The following NKAIN3 variants were observed in gnomAD, a reference collection of about 807,000 sequenced individuals.
The protein encoded by NKAIN3 is sodium/potassium transporting ATPase interacting 3.
In NKAIN3, 25 loss-of-function variants were observed where a neutral mutation model predicts 30.2. The observed-to-expected ratio is 0.83, with a 90% CI of 0.60 to 1.16. NKAIN3 has a LOEUF of 1.16. NKAIN3 is among the 50% of genes most tolerant of loss of function. NKAIN3 has a pLI of 0.00. For missense variants in NKAIN3, 225 were observed against 254.1 expected (o/e 0.89, Z 0.78); for synonymous variants, 91 against 89.6 (o/e 1.02, Z -0.09).
At chr8:62,758,531 G>A (rs73254885) in intron 4 of NKAIN3, among the ~76,000 whole-genome samples, 13,357 of 152,114 alleles carry the variant, frequency 0.088, 606 homozygotes, top group Middle Eastern at 0.092. Flanking sequence ...AAGTATAACT[G>A]CATTTCCAAT....
At position 62,248,961 on chromosome 8, in the gene NKAIN3, G is replaced by T. The variant is rs935615478; in HGVS notation, c.-113G>T. 8.3e-6 allele frequency: 8 copies of T among 965,772 alleles called. No homozygotes were observed. The South Asian group carries it at 1.2e-4, about 14-fold the overall frequency. 59.8% of individuals were successfully genotyped at this position (965,772 alleles called of 1,614,324 possible). ...CCCTGGAGCCGCGAGCGGCGGCCGC[G>T]GGGCCGAGGAGCCTGGGCCGGGCCG... On this transcript the variant is annotated 5_prime_UTR_variant, in exon 1 of 7. Coordinates refer to ENST00000623646, the MANE Select transcript of NKAIN3 (RefSeq NM_001304533.3).
At position 62,487,338 on chromosome 8, in the gene NKAIN3, G is replaced by A. The variant is rs186517036; in HGVS notation, c.55-92201G>A. ...ATCAGCAGAAGCTCAGAATTATGAG[G>A]TTCACTCACTGGATAAAGGACTGCA... On this transcript the variant is annotated intron_variant, in intron 1 of 6. Transcript: ENST00000623646. Among the ~76,000 whole-genome samples the A allele has an allele frequency of 1.4e-3, 207 of 152,256 alleles. 1 individual carries two copies. Among genetic ancestry groups the A allele is most frequent in the African/African-American group, 4.3e-3 (180 of 41,548 alleles).
chr8:62,579,143 A>T (rs938635374), intron 1 of NKAIN3, among the ~76,000 whole-genome samples: 4 of 152,018 alleles, frequency 2.6e-5, no homozygotes, highest in Non-Finnish European at 5.9e-5. Context: ...CTATATTAAG[A>T]CATCACATGT....
At chr8:62,999,135 G>T (rs927177339) in intron 5 of NKAIN3, 1 of 152,260 alleles carries the variant, frequency 6.6e-6, no homozygotes, top group East Asian at 1.9e-4. Context: ...CAGATGTATG[G>T]TGTGTTAGTC....
intron 3 of NKAIN3, among the ~76,000 whole-genome samples, chr8:62,661,110 T>C (rs1223945654): frequency 1.3e-5 from 2 of 152,180 alleles, no homozygotes; most frequent in Non-Finnish European, 2.9e-5. Flanking sequence ...AAACATACAT[T>C]ATTCAGTTTT....
chr8:62,517,930 A>C (rs942970442), intron 1 of NKAIN3, among the ~76,000 whole-genome samples: 10 of 145,476 alleles, frequency 6.9e-5, no homozygotes, highest in Admixed American at 5.3e-4. Flanking sequence ...CTGTATCTAT[A>C]TATATATATC....
At chr8:62,863,873 G>A in intron 4 of NKAIN3, 1 of 1,496,712 alleles carries the variant, frequency 6.7e-7, no homozygotes, top group South Asian at 1.1e-5. Flanking sequence ...GCAGTAGTCC[G>A]CAGGGTCCTC....
In NKAIN3 at chr8:62,337,650, C is replaced by T. The variant is rs116456439; in HGVS notation, c.54+88523C>T. ...TGTGTGTACACATATACAAACAACA[C>T]TCACACATGCACAGCACGTGCACAC... On this transcript the variant is annotated intron_variant, in intron 1 of 6. Coordinates refer to ENST00000623646, the MANE Select transcript of NKAIN3 (RefSeq NM_001304533.3). Among the ~76,000 whole-genome samples, 469 of 152,042 alleles carry T rather than the reference C, an allele frequency of 3.1e-3. 2 individuals carry two copies. Among genetic ancestry groups the T allele is most frequent in the African/African-American group, 9.9e-3 (409 of 41,502 alleles).
chr8:62,518,516 A>T (rs1045514262), intron 1 of NKAIN3, among the ~76,000 whole-genome samples: 1 of 152,152 alleles, frequency 6.6e-6, no homozygotes, highest in South Asian at 2.1e-4. Context: ...ATCAAATAGG[A>T]TAATGCATGT....
intron 1 of NKAIN3, 118 bp from the exon 2 acceptor site, chr8:62,579,421 G>A (rs1810222216): frequency 1.8e-5 from 12 of 675,374 alleles, no homozygotes; most frequent in South Asian, 6.0e-5. Flanking sequence ...TAATAATAAC[G>A]GTGACAAAAA....
intron 3 of NKAIN3, among the ~76,000 whole-genome samples, chr8:62,661,811 T>C (rs1207242687): frequency 6.6e-6 from 1 of 152,228 alleles, no homozygotes; most frequent in African/African-American, 2.4e-5. Context: ...GTCTTGCCTG[T>C]GTGCCTGTTA....
chr8:62,345,450 CATATGTATATATACACAT>C (rs1563942590), intron 1 of NKAIN3, among the ~76,000 whole-genome samples: 1 of 78,058 alleles, frequency 1.3e-5, no homozygotes, highest in African/African-American at 6.3e-5. Context: ...TATATACACA[CATATGTATATATACACAT>C]ATATACACAT....
rs1435979771 is a variant in NKAIN3 at position 62,972,211 on chromosome 8, T to G, written c.*6804T>G. ...GATAAATAAGAAGTATATGATCTTT[T>G]CTCTTATTTTCTCTCAGTATAAGTT... On this transcript the variant is annotated 3_prime_UTR_variant, in exon 7 of 7. Coordinates refer to ENST00000623646, the MANE Select transcript of NKAIN3 (RefSeq NM_001304533.3). Among the ~76,000 whole-genome samples the G allele has an allele frequency of 1.3e-5, 2 of 152,192 alleles. No individual in the cohort carries two copies. Among genetic ancestry groups the G allele is most frequent in the African/African-American group, 2.4e-5 (1 of 41,442 alleles).
intron 1 of NKAIN3, among the ~76,000 whole-genome samples, chr8:62,467,056 C>A (rs1340358109): frequency 6.6e-6 from 1 of 152,134 alleles, no homozygotes; most frequent in Admixed American, 6.6e-5. Flanking sequence ...TCTCACCTCA[C>A]TTCTTTTCCT....
Position 62,667,304 on chromosome 8 carries a change from T to A in NKAIN3, c.273+77510T>A, listed in dbSNP as rs546140145. Among the ~76,000 whole-genome samples the A allele has an allele frequency of 4.1e-4, 57 of 140,292 alleles. No homozygotes were observed. In the South Asian group the frequency reaches 4.1e-3, roughly 10 times the overall value. The allele number at this position is 140,292 out of a possible 152,430, so 92.0% of individuals were successfully genotyped here. A position where few individuals can be genotyped will look rare whatever the true frequency, so the allele number is the denominator to read the frequency against. On this transcript the variant is annotated intron_variant, in intron 3 of 6. Coordinates refer to ENST00000623646, the MANE Select transcript of NKAIN3 (RefSeq NM_001304533.3). ...CTAGATCTTAAAGTATAATAAAAAA[T>A]ATATATATATTTATATATATATATT... is the stretch of plus-strand genomic sequence containing the variant.
rs1424711306 is a variant in NKAIN3 at position 62,965,669 on chromosome 8, A to G, written c.*262A>G. 4.1e-6 allele frequency: 4 copies of G among 980,804 alleles called. No individual in the cohort carries two copies. The highest frequency in any genetic ancestry group is 4.8e-6 in the Non-Finnish European group (4 of 825,918). 60.8% of individuals were successfully genotyped at this position (980,804 alleles called of 1,614,324 possible). A position where few individuals can be genotyped will look rare whatever the true frequency, so the allele number is the denominator to read the frequency against. On this transcript the variant is annotated 3_prime_UTR_variant, in exon 7 of 7. Coordinates refer to ENST00000623646, the MANE Select transcript of NKAIN3 (RefSeq NM_001304533.3). ...CAGAATTTGGTTTTAAATTTTTAAC[A>G]ATATTTAATGTGAGGCATGCAAAAT...
chr8:62,781,058 A>C (rs1817340102), intron 4 of NKAIN3, among the ~76,000 whole-genome samples: 1 of 152,082 alleles, frequency 6.6e-6, no homozygotes, highest in African/African-American at 2.4e-5. Context: ...AAAAACTCTT[A>C]GAACTTACAA....
chr8:62,368,601 C>T lies in NKAIN3; in HGVS notation c.54+119474C>T, dbSNP rs185236238. ...AAGGGGGGCTTCTCCGGAACAAATG[C>T]CTGATAACAAGAACTATCATAAAAG... On this transcript the variant is annotated intron_variant, in intron 1 of 6. Coordinates refer to ENST00000623646, the MANE Select transcript of NKAIN3 (RefSeq NM_001304533.3). 5.8e-4 allele frequency among the ~76,000 whole-genome samples: 89 copies of T among 152,182 alleles called. 1 individual carries two copies. The East Asian group carries it at 0.017, about 29-fold the overall frequency.
chr8:62,566,934 TGG>T (rs886104764), intron 1 of NKAIN3, among the ~76,000 whole-genome samples: 2 of 152,240 alleles, frequency 1.3e-5, no homozygotes, highest in Admixed American at 6.6e-5. Context: ...TAATCTCAAA[TGG>T]GGCATTAGTA....
Sources: allele counts gnomAD v4.1 joint callset (sites outside exome capture counted in the v4.1 genomes callset), GRCh38; gene constraint gnomAD v4.1.1; transcripts MANE v1.5; gene names NCBI Gene and HGNC (gene_info 2026-07-23, HGNC 2026-07-21).